KLHL4: variants seen among roughly 807,000 people sequenced by gnomAD.
KLHL4 encodes the protein kelch-like protein 4.
Under a neutral mutation model 45.8 loss-of-function variants are expected in KLHL4, and 17 were observed. The observed-to-expected ratio is 0.37, with a 90% confidence interval of 0.25 to 0.56. KLHL4 has a LOEUF of 0.56. KLHL4 is among the 20% of genes least tolerant of loss of function. The probability of loss-of-function intolerance (pLI) is 0.79; values close to 1 mark genes in which losing one functional copy is unlikely to be tolerated. For synonymous variants in KLHL4, 224 were observed against 189.9 expected (o/e 1.18, Z -1.47); for missense variants, 544 against 544.9 (o/e 1.00, Z 0.02).
chrX:87,651,592 G>A (rs747633193), intron 9 of KLHL4, among the ~76,000 whole-genome samples: 57 of 112,428 alleles, frequency 5.1e-4, no homozygotes, highest in Admixed American at 7.5e-4. Flanking sequence ...AAATCCAGCA[G>A]GGCAGTCAAA....
intron 1 of KLHL4, among the ~76,000 whole-genome samples, chrX:87,605,221 G>T (rs1431141159): frequency 1.8e-5 from 2 of 110,594 alleles, no homozygotes; most frequent in African/African-American, 6.5e-5. Context: ...CATTTTTTTC[G>T]CTCAGGATTC....
chrX:87,522,591 A>G (rs966966286), intron 1 of KLHL4, among the ~76,000 whole-genome samples: 3 of 112,058 alleles, frequency 2.7e-5, no homozygotes, highest in African/African-American at 9.7e-5. Flanking sequence ...TTTACACTGC[A>G]TTATTCAGTA....
At chrX:87,543,944 T>C (rs1185651512) in intron 1 of KLHL4, among the ~76,000 whole-genome samples, 1 of 111,163 alleles carries the variant, frequency 9.0e-6, no homozygotes, top group Non-Finnish European at 1.9e-5. Context: ...ATGGTCTAGG[T>C]ATGCCTCTGA....
At chrX:87,572,197 G>A (rs749867574) in intron 1 of KLHL4, among the ~76,000 whole-genome samples, 1 of 111,105 alleles carries the variant, frequency 9.0e-6, no homozygotes, top group African/African-American at 3.2e-5. Flanking sequence ...TAGTTTCTGC[G>A]AAAGCTTTCA....
At chrX:87,587,602 T>C (rs185223286) in intron 1 of KLHL4, among the ~76,000 whole-genome samples, 16 of 111,150 alleles carry the variant, frequency 1.4e-4, no homozygotes, top group African/African-American at 9.8e-5. Context: ...AAATTAAACA[T>C]CCTTTCATGA....
rs1328272012 is a variant in KLHL4, at chrX:87,669,518, T to C, written c.*2984T>C. 1.1e-5 allele frequency: 9 copies of C among 829,480 alleles called. No homozygotes were observed. The highest frequency in any genetic ancestry group is 1.3e-5 in the Non-Finnish European group (8 of 627,082). The allele number at this position is 829,480 out of a possible 1,213,427, so 68.4% of individuals were successfully genotyped here. A position where few individuals can be genotyped will look rare whatever the true frequency, so the allele number is the denominator to read the frequency against. ...TCCTTCTGGAGTTCCAAATGCAATA[T>C]AGAAAAAAAAACCCTGTGACTCTGG... On this transcript the variant is annotated 3_prime_UTR_variant, in exon 11 of 11. Coordinates refer to ENST00000373119, the MANE Select transcript of KLHL4 (RefSeq NM_019117.5).
At chrX:87,649,047 G>T (rs964907922) in intron 9 of KLHL4, among the ~76,000 whole-genome samples, 2 of 111,222 alleles carry the variant, frequency 1.8e-5, no homozygotes, top group African/African-American at 6.5e-5. Flanking sequence ...ACATAATAAG[G>T]ATATTTTATT....
At position 87,618,141 on chromosome X, in the gene KLHL4, G is replaced by T; in HGVS notation, c.924+13G>T. 1 of 1,133,458 alleles carries T rather than the reference G, an allele frequency of 8.8e-7. No individual in the cohort carries two copies. The highest frequency in any genetic ancestry group is 1.2e-6 in the Non-Finnish European group (1 of 842,120). The allele number at this position is 1,133,458 out of a possible 1,213,427, so 93.4% of individuals were successfully genotyped here. ...CAAATACACTATGGTAAAATCAATT[G>T]CTTCAACTGAACTTGTAGTAAAAAT... On this transcript the variant is annotated intron_variant, in intron 4 of 10. Coordinates refer to ENST00000373119, the MANE Select transcript of KLHL4 (RefSeq NM_019117.5).
chrX:87,547,575 C>A (rs922501463), intron 1 of KLHL4, among the ~76,000 whole-genome samples: 12 of 111,433 alleles, frequency 1.1e-4, no homozygotes, highest in Non-Finnish European at 2.3e-4. Flanking sequence ...GTAATCCCAG[C>A]ACTTTAGGAG....
chrX:87,532,759 G>A (rs1438206526), intron 1 of KLHL4, among the ~76,000 whole-genome samples: 8 of 107,748 alleles, frequency 7.4e-5, no homozygotes, highest in East Asian at 2.9e-4. Flanking sequence ...GTATAAGAAT[G>A]CTTGTGATTT....
chrX:87,625,637 A>G lies in KLHL4; in HGVS notation c.1165A>G (p.Met389Val), dbSNP rs1922900227. The G allele has an allele frequency of 8.3e-7, 1 of 1,204,732 alleles. No individual in the cohort carries two copies. The highest frequency in any genetic ancestry group is 2.2e-5 in the Admixed American group (1 of 45,085). The change falls in exon 6 of 11, where the codon ATG (methionine) becomes GTG (valine). Residue 389 changes from methionine (M) to valine (V), a missense_variant. By Grantham distance (21) the Met-to-Val change is conservative (BLOSUM62 1). Coordinates refer to ENST00000373119, the MANE Select transcript of KLHL4 (RefSeq NM_019117.5). ...QLLADLETSS[M>V]FTGDLECQKL... ...ACTGGCAGATCTTGAAACCAGTTCC[A>G]TGTTTACTGGTGATCTTGAGTGTCA...
intron 10 of KLHL4, among the ~76,000 whole-genome samples, chrX:87,665,905 T>C (rs1388473162): frequency 1.8e-5 from 2 of 111,572 alleles, no homozygotes; most frequent in Non-Finnish European, 3.8e-5. Context: ...TGTAGGTAGC[T>C]GCTGTTTTGT....
At chrX:87,614,798 A>C (rs1922501165) in intron 3 of KLHL4, among the ~76,000 whole-genome samples, 1 of 111,071 alleles carries the variant, frequency 9.0e-6, no homozygotes, top group South Asian at 3.7e-4. Flanking sequence ...ATATAAAAGA[A>C]GAAGAGGTAT....
intron 9 of KLHL4, among the ~76,000 whole-genome samples, chrX:87,639,499 T>C (rs1030546556): frequency 9.0e-6 from 1 of 111,201 alleles, no homozygotes; most frequent in Non-Finnish European, 1.9e-5. Context: ...AAATTGAAAT[T>C]TTATCAAGTA....
chrX:87,569,641 G>A (rs1281667658), intron 1 of KLHL4, among the ~76,000 whole-genome samples: 1 of 111,518 alleles, frequency 9.0e-6, no homozygotes, highest in Non-Finnish European at 1.9e-5. Flanking sequence ...CTGTTCAGCC[G>A]TATAAAGGAA....
rs145858126 is a variant in KLHL4, at chrX:87,633,908, A to G, written c.1709A>G (p.Asn570Ser). Residue 570 changes from asparagine (N) to serine (S), a missense_variant, in exon 8 of 11, where the codon AAC (asparagine) becomes AGC (serine). Asn to Ser is a conservative substitution (Grantham distance 46). Transcript: ENST00000373119. ...ACAGTTGGTGTTGTTGCATTAAACA[A>G]CAAGTGAGTAAGTTGAAACACACAT... ...RSTVGVVALN[N>S]KLYAIGGRDG... 57 of 1,198,374 alleles carry G rather than the reference A, an allele frequency of 4.8e-5. No homozygotes were observed. The highest frequency in any genetic ancestry group is 2.5e-4 in the Admixed American group (11 of 44,492).
intron 9 of KLHL4, among the ~76,000 whole-genome samples, chrX:87,663,596 G>A (rs1924269036): frequency 8.9e-6 from 1 of 112,474 alleles, no homozygotes; most frequent in Non-Finnish European, 1.9e-5. Flanking sequence ...ATTCATCTGT[G>A]TGTGTACCCT....
chrX:87,558,082 C>G (rs1396215389), intron 1 of KLHL4, among the ~76,000 whole-genome samples: 1 of 111,997 alleles, frequency 8.9e-6, no homozygotes, highest in Non-Finnish European at 1.9e-5. Flanking sequence ...TCTCAGTTTT[C>G]TACATAAAAG....
At chrX:87,664,642 G>C (rs1432209567) in intron 9 of KLHL4, 122 bp from the exon 10 acceptor site, 2 of 467,232 alleles carry the variant, frequency 4.3e-6, no homozygotes, top group Non-Finnish European at 7.1e-6. Context: ...ATCTACATTT[G>C]ATATTTGTAT....
Sources: gnomAD v4.1 joint callset for allele counts (sites outside exome capture counted in the v4.1 genomes callset) on GRCh38, gnomAD v4.1.1 for gene constraint, MANE v1.5 for transcripts, NCBI Gene and HGNC (gene_info 2026-07-23, HGNC 2026-07-21) for gene names.